The following IFFO2 variants were observed in gnomAD, a reference collection of about 807,000 sequenced individuals.
IFFO2 encodes intermediate filament family orphan 2.
IFFO2 carries 19 observed loss-of-function variants against 53.5 expected under a neutral mutation model. The observed-to-expected ratio is 0.36, with a 90% CI of 0.25 to 0.52. The LOEUF is 0.52. Ranked by LOEUF, IFFO2 falls within the 20% of genes least tolerant of loss-of-function variation. IFFO2 has a pLI of 0.94. For missense variants in IFFO2, 570 were observed against 727.4 expected (o/e 0.78, Z 2.49); for synonymous variants, 303 against 313.6 (o/e 0.97, Z 0.36).
At position 18,936,385 on chromosome 1, in the gene IFFO2, C is replaced by T. The variant is rs1936447375; in HGVS notation, c.666-15264G>A. 6.6e-6 allele frequency among the ~76,000 whole-genome samples: 1 copy of T among 152,198 alleles called. No individual in the cohort carries two copies. Among genetic ancestry groups the T allele is most frequent in the Non-Finnish European group, 1.5e-5 (1 of 68,030 alleles). The stretch of plus-strand genomic sequence containing the variant: ...CTTTCTGCCTAGGCCTGGCCAAGCC[C>T]CCATGGACCCTCCACCCCATCCCCA... On this transcript the variant is annotated intron_variant, in intron 1 of 8. Transcript: ENST00000455833. This position sits in a 1 kb window ranked among gnomAD's most constrained non-coding sequence, Gnocchi z 4.5.
At chr1:18,911,507 TTTTATTTATTTATTTA>T (rs71030110) in intron 6 of IFFO2, 31 bp from the exon 7 acceptor site, 6,674 of 527,932 alleles carry the variant, frequency 0.013, 386 homozygotes, top group African/African-American at 0.091. Context: ...GGACAGTTTA[TTTTATTTATTTATTTA>T]TTTATTTATT....
intron 1 of IFFO2, among the ~76,000 whole-genome samples, chr1:18,935,377 G>A (rs1384671529): frequency 6.6e-6 from 1 of 152,162 alleles, no homozygotes; most frequent in Non-Finnish European, 1.5e-5. Context: ...TGCTAGGGTA[G>A]AGTAAGGCTG....
In IFFO2 at chr1:18,910,480, G is replaced by GAACCAATGAGGAAT. The variant is rs769987674; in HGVS notation, c.1318-22_1318-9dup. The GAACCAATGAGGAAT allele has an allele frequency of 1.8e-5, 29 of 1,607,582 alleles. 1 individual carries two copies. The South Asian group carries it at 3.2e-4, about 18-fold the overall frequency. On this transcript the variant is annotated splice_polypyrimidine_tract_variant and intron_variant, in intron 7 of 8. Coordinates refer to ENST00000455833, the MANE Select transcript of IFFO2 (RefSeq NM_001136265.2). Reference sequence around the variant, plus strand: ...GGCTGTGGCCAGCTCGAGCTGGGAGGAACCAATGAGGAATAAGGGTGAGGG... The same window carrying GAACCAATGAGGAAT: ...GGCTGTGGCCAGCTCGAGCTGGGAGGAACCAATGAGGAATAACCAATGAGGAATAAGGGTGAGGG...
Position 18,919,782 on chromosome 1 carries a change from A to G in IFFO2, c.727-9T>C. On this transcript the variant is annotated splice_polypyrimidine_tract_variant and intron_variant, in intron 2 of 8. Coordinates refer to ENST00000455833, the MANE Select transcript of IFFO2 (RefSeq NM_001136265.2). The surrounding 1 kb of genome is among the most constrained non-coding windows in gnomAD (Gnocchi z 4.9). ...TCAGCCTCCTGTGCTGCCTGCGGGG[A>G]CGGAGATGGGGAGGCTTCAGAGGGG... 1 of 1,545,534 alleles carries G rather than the reference A, an allele frequency of 6.5e-7. No homozygotes were observed. Among genetic ancestry groups the G allele is most frequent in the South Asian group, 1.2e-5 (1 of 83,908 alleles).
chr1:18,909,986 C>T (rs1936010193), intron 8 of IFFO2, among the ~76,000 whole-genome samples: 1 of 152,180 alleles, frequency 6.6e-6, no homozygotes, highest in African/African-American at 2.4e-5. Flanking sequence ...GGAGCATGCC[C>T]TGTCCACCTC....
At position 18,918,486 on chromosome 1, in the gene IFFO2, T is replaced by C; in HGVS notation, c.839A>G (p.Asp280Gly). The C allele has an allele frequency of 6.4e-7, 1 of 1,554,748 alleles. No homozygotes were observed. The highest frequency in any genetic ancestry group is 8.7e-7 in the Non-Finnish European group (1 of 1,148,622). The change falls in exon 4 of 9, where the codon GAC becomes GGC. Residue 280 changes from aspartate (D) to glycine (G), a missense_variant. Coordinates refer to ENST00000455833, the MANE Select transcript of IFFO2 (RefSeq NM_001136265.2). The surrounding 1 kb of genome is among the most constrained non-coding windows in gnomAD (Gnocchi z 5.2). ...CATGGCCTTTTCTTGGATCTTTGTG[T>C]CCAGGTCTGTCATGGGCTGCAGGGA... ...GLMSDPMTDLDTKIQEKAMKV... is the reference protein window; with the variant it reads ...GLMSDPMTDLGTKIQEKAMKV...
intron 5 of IFFO2, among the ~76,000 whole-genome samples, chr1:18,914,404 CTTTAA>C (rs1936100577): frequency 6.6e-6 from 1 of 152,196 alleles, no homozygotes; most frequent in Non-Finnish European, 1.5e-5. Context: ...CAGATAAGTC[CTTTAA>C]TTTAACCACA....
intron 1 of IFFO2, among the ~76,000 whole-genome samples, chr1:18,923,358 C>G (rs1373782528): frequency 2.6e-5 from 4 of 152,196 alleles, no homozygotes; most frequent in African/African-American, 9.6e-5. Flanking sequence ...CCAATAGAAC[C>G]CTTGTACAGA....
intron 1 of IFFO2, among the ~76,000 whole-genome samples, chr1:18,925,860 GA>G (rs1936279363): frequency 6.0e-5 from 1 of 16,586 alleles, no homozygotes; most frequent in Non-Finnish European, 1.3e-4. Flanking sequence ...GGATTGGTTG[GA>G]TGGATGGATG....
chr1:18,922,874 C>A (rs995198101), intron 1 of IFFO2, among the ~76,000 whole-genome samples: 2 of 151,998 alleles, frequency 1.3e-5, no homozygotes, highest in Non-Finnish European at 2.9e-5. Flanking sequence ...TCCCAGGCCA[C>A]CTCTCACCGA....
At position 18,918,199 on chromosome 1, in the gene IFFO2, A is replaced by G. The variant is rs573198357; in HGVS notation, c.963+163T>C. ...TATGAGTCCACGGGTGCCTGATTCT[A>G]CGTTTTCCTGGGGAGGCCACAGGGT... On this transcript the variant is annotated intron_variant, in intron 4 of 8. Transcript: ENST00000455833. The surrounding 1 kb of genome is among the most constrained non-coding windows in gnomAD (Gnocchi z 5.2). 1.3e-5 allele frequency among the ~76,000 whole-genome samples: 2 copies of G among 152,194 alleles called. No homozygotes were observed. Among genetic ancestry groups the G allele is most frequent in the African/African-American group, 2.4e-5 (1 of 41,534 alleles).
chr1:18,955,489 C>G (rs898942176), intron 1 of IFFO2, among the ~76,000 whole-genome samples, 179 bp downstream of exon 1: 2 of 152,240 alleles, frequency 1.3e-5, no homozygotes, highest in African/African-American at 4.8e-5. Context: ...CGCCCGCCCC[C>G]ATCCTGGGAT....
intron 1 of IFFO2, among the ~76,000 whole-genome samples, chr1:18,926,102 ATTGGT>A (rs1250631087): frequency 3.6e-4 from 16 of 44,042 alleles, no homozygotes; most frequent in African/African-American, 1.6e-3. Context: ...GGATGGATGG[ATTGGT>A]TGGATGGATA....
At position 18,912,573 on chromosome 1, in the gene IFFO2, C is replaced by T. The variant is rs75073496; in HGVS notation, c.1104-490G>A. Among the ~76,000 whole-genome samples the T allele has an allele frequency of 9.2e-3, 1,402 of 152,280 alleles. 23 individuals carry two copies. Among genetic ancestry groups the T allele is most frequent in the East Asian group, 0.056 (290 of 5,178 alleles). On this transcript the variant is annotated intron_variant, in intron 5 of 8. Transcript: ENST00000455833. ...CATGTAGCAGAAATAGGCTAGAATG[C>T]CGAATGTTTCTGTTTCCTACAGCTT...
Position 18,956,105 on chromosome 1 carries a change from C to T in IFFO2, c.228G>A (p.Arg76=), listed in dbSNP as rs973008681. The change falls in exon 1 of 9, where the codon CGG becomes CGA. Residue 76 remains arginine, a synonymous_variant. Transcript: ENST00000455833. This position sits in a 1 kb window ranked among gnomAD's most constrained non-coding sequence, Gnocchi z 6.4. ...CFLAKVHELE[R]RNRLLEKQLE... ...GCTGCTTCTCCAGCAGCCGGTTGCG[C>T]CGCTCCAGCTCGTGCACCTTAGCCA... 514 of 1,504,334 alleles carry T rather than the reference C, an allele frequency of 3.4e-4. No homozygotes were observed. Among genetic ancestry groups the T allele is most frequent in the Non-Finnish European group, 4.4e-4 (495 of 1,119,114 alleles). 93.2% of individuals were successfully genotyped at this position (1,504,334 alleles called of 1,614,324 possible).
chr1:18,934,624 T>C (rs28656107), intron 1 of IFFO2, among the ~76,000 whole-genome samples: 2 of 152,198 alleles, frequency 1.3e-5, no homozygotes, highest in African/African-American at 2.4e-5. Context: ...ATAAAACCAA[T>C]GTAAAACCCA....
chr1:18,951,066 C>G (rs1207245660), intron 1 of IFFO2, among the ~76,000 whole-genome samples: 1 of 152,220 alleles, frequency 6.6e-6, no homozygotes, highest in Non-Finnish European at 1.5e-5. Flanking sequence ...GGGCCAGCCC[C>G]CCTCTGGGCC....
At position 18,904,983 on chromosome 1, in the gene IFFO2, C is replaced by T. The variant is rs2295228; in HGVS notation, c.*3578G>A. The T allele has an allele frequency of 0.013, 2,017 of 152,400 alleles. 30 individuals are homozygous for T. The highest frequency in any genetic ancestry group is 0.043 in the Admixed American group (655 of 15,298). The allele number at this position is 152,400 out of a possible 1,614,324, so 9.4% of individuals were successfully genotyped here. The stretch of plus-strand genomic sequence containing the variant: ...CAAGGAAGTCGTGTGCTCCCACTGT[C>T]ACCCATGCTCTGCTGCCTCCCAACC... On this transcript the variant is annotated 3_prime_UTR_variant, in exon 9 of 9. Coordinates refer to ENST00000455833, the MANE Select transcript of IFFO2 (RefSeq NM_001136265.2).
At chr1:18,911,507 T>TTTATTTA (rs1936037725) in intron 6 of IFFO2, 31 bp from the exon 7 acceptor site, 4 of 527,894 alleles carry the variant, frequency 7.6e-6, no homozygotes, top group Admixed American at 4.7e-5. Context: ...GGACAGTTTA[T>TTTATTTA]TTTATTTATT....
Sources: gnomAD v4.1 joint callset for allele counts (sites outside exome capture counted in the v4.1 genomes callset) on GRCh38, gnomAD v4.1.1 for gene constraint, Gnocchi (gnomAD v3.1) non-coding constraint, MANE v1.5 for transcripts, NCBI Gene and HGNC (gene_info 2026-07-23, HGNC 2026-07-21) for gene names.